Variants in RANBP3L observed in about 807,000 individuals in gnomAD.
The protein encoded by RANBP3L is RAN binding protein 3 like.
Under a neutral mutation model 67.2 loss-of-function variants are expected in RANBP3L, and 56 were observed. The ratio of observed to expected loss-of-function variants is 0.83; its 90% confidence interval spans 0.67 to 1.04. The LOEUF (loss-of-function observed/expected upper bound fraction) is 1.04, where lower values mean the gene tolerates loss of function less well. RANBP3L is among the 50% of genes least tolerant of loss of function. RANBP3L has a pLI of 0.00. For synonymous variants in RANBP3L, 164 were observed against 181.4 expected (o/e 0.90, Z 0.77); for missense variants, 496 against 535.5 (o/e 0.93, Z 0.73).
chr5:36,283,413 A>AC (rs1554018952), intron 1 of RANBP3L, among the ~76,000 whole-genome samples: 2 of 151,204 alleles, frequency 1.3e-5, no homozygotes, highest in Admixed American at 6.6e-5. Flanking sequence ...AAAAAAAAAA[A>AC]CACCAAAATT....
intron 1 of RANBP3L, among the ~76,000 whole-genome samples, chr5:36,291,700 T>G (rs1393026337): frequency 6.7e-6 from 1 of 148,280 alleles, no homozygotes; most frequent in Non-Finnish European, 1.5e-5. Context: ...ATTTCCAATT[T>G]CATCCATGTC....
chr5:36,256,740 TC>T, intron 10 of RANBP3L, 200 bp downstream of exon 10: 1 of 537,006 alleles, frequency 1.9e-6, no homozygotes, highest in Admixed American at 3.5e-5. Context: ...CAACCCATTT[TC>T]CTGCCAGGTA....
chr5:36,262,114 A>ATAGT, intron 6 of RANBP3L, 72 bp from the exon 7 acceptor site: 1 of 737,022 alleles, frequency 1.4e-6, no homozygotes, highest in Non-Finnish European at 2.3e-6. Flanking sequence ...CAAGGAAACA[A>ATAGT]TAGTTATAGT....
intron 6 of RANBP3L, 51 bp downstream of exon 6, chr5:36,264,908 A>C (rs1160201825): frequency 1.3e-6 from 2 of 1,561,138 alleles, no homozygotes; most frequent in Admixed American, 1.9e-5. Flanking sequence ...ACAACCTGCA[A>C]AAAGAAAGAT....
chr5:36,286,305 A>T (rs1751322622), intron 1 of RANBP3L, among the ~76,000 whole-genome samples: 1 of 152,106 alleles, frequency 6.6e-6, no homozygotes, highest in Non-Finnish European at 1.5e-5. Context: ...AATTAACTCA[A>T]ATTGGCATGT....
intron 1 of RANBP3L, among the ~76,000 whole-genome samples, chr5:36,276,406 A>G (rs972784715): frequency 1.3e-5 from 2 of 152,192 alleles, no homozygotes; most frequent in Admixed American, 6.5e-5. Flanking sequence ...AAATTACAGT[A>G]TATTGTTAAA....
intron 1 of RANBP3L, among the ~76,000 whole-genome samples, chr5:36,294,962 G>A (rs1477902180): frequency 6.8e-6 from 1 of 147,496 alleles, no homozygotes; most frequent in East Asian, 2.0e-4. Flanking sequence ...TATTATATAT[G>A]TATGTATACA....
chr5:36,264,105 T>C (rs1749583049), intron 6 of RANBP3L, among the ~76,000 whole-genome samples: 1 of 152,196 alleles, frequency 6.6e-6, no homozygotes, highest in Non-Finnish European at 1.5e-5. Context: ...AGATGTTGAA[T>C]GGGTGCTTTG....
At chr5:36,260,622 C>G (rs1042211118) in intron 8 of RANBP3L, among the ~76,000 whole-genome samples, 158 bp downstream of exon 8, 6 of 152,070 alleles carry the variant, frequency 3.9e-5, no homozygotes, top group South Asian at 2.1e-4. Flanking sequence ...GGACATGCTT[C>G]CCAGGAGAAT....
At chr5:36,262,161 C>G (rs1749445367) in intron 6 of RANBP3L, 119 bp from the exon 7 acceptor site, 1 of 585,132 alleles carries the variant, frequency 1.7e-6, no homozygotes, top group Non-Finnish European at 3.0e-6. Context: ...TAAGTACTGC[C>G]TTAAGCATTT....
Position 36,270,009 on chromosome 5 carries a change from A to G in RANBP3L, c.151-19T>C, listed in dbSNP as rs1750097550. 6.2e-7 allele frequency: 1 copy of G among 1,609,102 alleles called. No individual in the cohort carries two copies. Among genetic ancestry groups the G allele is most frequent in the African/African-American group, 1.3e-5 (1 of 74,842 alleles). On this transcript the variant is annotated intron_variant, in intron 2 of 13. Transcript: ENST00000296604. ...CAGGTCTCTGAAAGGAAACAAAACC[A>G]CTGAGGAGAGCTGAGTATTTGCCTT...
intron 1 of RANBP3L, among the ~76,000 whole-genome samples, chr5:36,285,404 G>A (rs10066364): frequency 0.047 from 7,202 of 152,246 alleles, 590 homozygotes; most frequent in East Asian, 0.37. Context: ...GGGTTCAAAT[G>A]TTTGCTCTTG....
chr5:36,289,532 G>A (rs1028891354), intron 1 of RANBP3L, among the ~76,000 whole-genome samples: 1 of 152,112 alleles, frequency 6.6e-6, no homozygotes, highest in Non-Finnish European at 1.5e-5. Context: ...TCATGAATTT[G>A]GGATGTATCT....
chr5:36,251,565 A>T, intron 12 of RANBP3L, 66 bp from the exon 13 acceptor site: 3 of 1,239,990 alleles, frequency 2.4e-6, no homozygotes, highest in Non-Finnish European at 3.4e-6. Context: ...ACAGATTTTT[A>T]ATCTTTCACT....
chr5:36,264,355 G>A (rs1749604793), intron 6 of RANBP3L, among the ~76,000 whole-genome samples: 1 of 152,178 alleles, frequency 6.6e-6, no homozygotes, highest in Non-Finnish European at 1.5e-5. Flanking sequence ...TAGCACTACA[G>A]CAATTGAATA....
chr5:36,253,688 T>C lies in RANBP3L; in HGVS notation c.1126A>G (p.Thr376Ala), dbSNP rs1274471270. The change falls in exon 12 of 14, where the codon ACT (threonine) becomes GCT (alanine). Residue 376 changes from threonine to alanine, a missense_variant. Coordinates refer to ENST00000296604, the MANE Select transcript of RANBP3L (RefSeq NM_145000.5). ...TTGATGCTATAGTCTTCTAAATCAGTAGCTGTTATTCGTACATTTTTGTGG... is the reference window on the plus strand; with the variant it reads ...TTGATGCTATAGTCTTCTAAATCAGCAGCTGTTATTCGTACATTTTTGTGG... ...ANHKNVRITA[T>A]DLEDYSIKIF... 3 of 1,610,498 alleles carry C rather than the reference T, an allele frequency of 1.9e-6. No individual in the cohort carries two copies. Among genetic ancestry groups the C allele is most frequent in the Admixed American group, 3.3e-5 (2 of 59,952 alleles).
intron 1 of RANBP3L, among the ~76,000 whole-genome samples, chr5:36,282,165 G>A (rs1172240582): frequency 6.6e-6 from 1 of 152,134 alleles, no homozygotes; most frequent in South Asian, 2.1e-4. Context: ...AGAATAACTC[G>A]CAGTGTGAAA....
At chr5:36,294,894 CAT>C (rs996409406) in intron 1 of RANBP3L, among the ~76,000 whole-genome samples, 4 of 147,260 alleles carry the variant, frequency 2.7e-5, no homozygotes, top group Non-Finnish European at 4.5e-5. Flanking sequence ...ACTATATATA[CAT>C]ATATGTGTGT....
intron 1 of RANBP3L, among the ~76,000 whole-genome samples, chr5:36,295,673 GTTTTTT>G (rs11318481): frequency 8.3e-6 from 1 of 120,556 alleles, no homozygotes; most frequent in East Asian, 2.4e-4. Context: ...GTTATATCCT[GTTTTTT>G]TTTTTTTTTT....
Sources: allele counts gnomAD v4.1 joint callset (sites outside exome capture counted in the v4.1 genomes callset), GRCh38; gene constraint gnomAD v4.1.1; transcripts MANE v1.5; gene names NCBI Gene and HGNC (gene_info 2026-07-23, HGNC 2026-07-21).